TBC1D8: variants seen among roughly 807,000 people sequenced by gnomAD.
The protein encoded by TBC1D8 is BUB2-like protein 1.
TBC1D8 carries 65 observed loss-of-function variants against 118.8 expected under a neutral mutation model. The observed-to-expected ratio is 0.55, with a 90% confidence interval of 0.45 to 0.67. The LOEUF (loss-of-function observed/expected upper bound fraction) is 0.67. Ranked by LOEUF, TBC1D8 falls within the 30% of genes least tolerant of loss-of-function variation. The probability of loss-of-function intolerance (pLI) is 0.00; values close to 1 mark genes in which losing one functional copy is unlikely to be tolerated. For missense variants in TBC1D8, 1,376 were observed against 1,471.2 expected (o/e 0.94, Z 1.06); for synonymous variants, 566 against 595.8 (o/e 0.95, Z 0.73).
At chr2:101,028,518 G>A (rs372425969) in intron 12 of TBC1D8, 86 bp from the exon 13 acceptor site, 1 of 1,479,096 alleles carries the variant, frequency 6.8e-7, no homozygotes, top group African/African-American at 1.4e-5. Context: ...AGACATGCCA[G>A]GGCACTTCCA....
At chr2:101,020,600 A>G (rs558924255) in intron 17 of TBC1D8, among the ~76,000 whole-genome samples, 22 of 152,260 alleles carry the variant, frequency 1.4e-4, no homozygotes, top group Non-Finnish European at 2.9e-4. Flanking sequence ...TGGCCAGCAC[A>G]GAATGCTCAC....
chr2:101,138,469 C>A (rs926827518), intron 1 of TBC1D8, among the ~76,000 whole-genome samples: 1 of 152,068 alleles, frequency 6.6e-6, no homozygotes, highest in Non-Finnish European at 1.5e-5. Context: ...AAGGCTCGGT[C>A]CCACGAGACT....
chr2:101,090,509 A>C (rs892689385), intron 1 of TBC1D8, 145 bp from the exon 2 acceptor site: 7 of 870,894 alleles, frequency 8.0e-6, no homozygotes, highest in Non-Finnish European at 1.2e-5. Context: ...CACCTCACAA[A>C]GCCTGAGCTC....
intron 2 of TBC1D8, among the ~76,000 whole-genome samples, chr2:101,075,269 G>A (rs987775886): frequency 8.6e-5 from 13 of 151,812 alleles, no homozygotes; most frequent in African/African-American, 2.2e-4. Flanking sequence ...GTGGTGGCAC[G>A]CACCTGTAGT....
chr2:101,023,101 C>T (rs899945874), intron 15 of TBC1D8, among the ~76,000 whole-genome samples: 1 of 146,170 alleles, frequency 6.8e-6, no homozygotes, highest in African/African-American at 2.5e-5. Flanking sequence ...GCCGAGATCG[C>T]GCCACTGCAC....
chr2:101,073,244 T>G (rs1477309294), intron 2 of TBC1D8, among the ~76,000 whole-genome samples: 1 of 151,808 alleles, frequency 6.6e-6, no homozygotes, highest in Admixed American at 6.6e-5. Flanking sequence ...GAAGGCTCTT[T>G]CATCTACATT....
chr2:101,087,670 T>C lies in TBC1D8; in HGVS notation c.283+2539A>G, dbSNP rs1675731044. Reference sequence around the variant, plus strand: ...AAAAAAAAAAAAAAAAAATTCCAGATTGGGAAATCTATACCTGAGTAAAAG... The same window carrying C: ...AAAAAAAAAAAAAAAAAATTCCAGACTGGGAAATCTATACCTGAGTAAAAG... On this transcript the variant is annotated intron_variant, in intron 2 of 19. Coordinates refer to ENST00000409318, the MANE Select transcript of TBC1D8 (RefSeq NM_001330348.2). Among the ~76,000 whole-genome samples, 4 of 147,772 alleles carry C rather than the reference T, an allele frequency of 2.7e-5. No individual in the cohort carries two copies. In the South Asian group the frequency reaches 8.5e-4, roughly 31 times the overall value.
Position 101,010,881 on chromosome 2 carries a change from CAAA to C in TBC1D8, c.3015+45_3015+47del, listed in dbSNP as rs35511736. 1.2e-3 allele frequency: 1,532 copies of C among 1,298,860 alleles called. 2 individuals are homozygous for C. Among genetic ancestry groups the C allele is most frequent in the East Asian group, 2.0e-3 (79 of 39,622 alleles). The allele number at this position is 1,298,860 out of a possible 1,614,324, so 80.5% of individuals were successfully genotyped here. A position where few individuals can be genotyped will look rare whatever the true frequency, so the allele number is the denominator to read the frequency against. ...TGGGCGACAGAGCGAGACTCCATCT[CAAA>C]AAAAAAAAAAAAAGTTAATTCTCTG... On this transcript the variant is annotated intron_variant, in intron 19 of 19. Transcript: ENST00000409318.
chr2:101,033,266 G>A (rs555730324), intron 10 of TBC1D8: 68 of 439,370 alleles, frequency 1.5e-4, no homozygotes, highest in East Asian at 1.2e-3. Flanking sequence ...ACAGGCACGC[G>A]CCACCATGCC....
chr2:101,049,109 C>T (rs1217650433), intron 5 of TBC1D8, among the ~76,000 whole-genome samples: 3 of 152,102 alleles, frequency 2.0e-5, no homozygotes, highest in East Asian at 1.9e-4. Flanking sequence ...AATTCTTTAG[C>T]GTATATACCC....
At chr2:101,088,725 C>T (rs377145969) in intron 2 of TBC1D8, among the ~76,000 whole-genome samples, 2 of 152,104 alleles carry the variant, frequency 1.3e-5, no homozygotes, top group East Asian at 3.9e-4. Context: ...TACACACCAC[C>T]ACGCCCAGCT....
In TBC1D8 at chr2:101,028,355, T is replaced by A. The variant is rs753703167; in HGVS notation, c.2300A>T (p.Gln767Leu). ...AATATCAGTCACAGGGTAGGGCTCC[T>A]GGTCGTCGGAGAAAAAGGCATGGTG... ...GSHHAFFSDD[Q>L]EPYPVTDISD... is the part of the protein sequence containing the mutation. The change falls in exon 13 of 20, where the codon CAG (glutamine) becomes CTG (leucine). Residue 767 changes from glutamine to leucine, a missense_variant. Gln to Leu is a moderately radical substitution (Grantham distance 113). Transcript: ENST00000409318. The A allele has an allele frequency of 6.2e-7, 1 of 1,612,672 alleles. No homozygotes were observed. The highest frequency in any genetic ancestry group is 1.7e-5 in the Admixed American group (1 of 59,838).
In TBC1D8 at chr2:101,054,812, A is replaced by G. The variant is rs569541728; in HGVS notation, c.403-476T>C. On this transcript the variant is annotated intron_variant, in intron 3 of 19. Transcript: ENST00000409318. ...ATTCTCCTGCCTCAGCCTCCCAAAT[A>G]GCTGGGATCACAGGCACGCACCACC... Among the ~76,000 whole-genome samples, 5 of 150,108 alleles carry G rather than the reference A, an allele frequency of 3.3e-5. 1 individual carries two copies. The Middle Eastern group carries it at 0.014, about 414-fold the overall frequency.
intron 6 of TBC1D8, among the ~76,000 whole-genome samples, chr2:101,039,618 T>A (rs1681253922): frequency 6.6e-6 from 1 of 152,190 alleles, no homozygotes; most frequent in African/African-American, 2.4e-5. Context: ...TGCTCAGATC[T>A]GGAAGTAATC....
intron 1 of TBC1D8, among the ~76,000 whole-genome samples, chr2:101,125,580 A>G (rs545746968): frequency 6.6e-6 from 1 of 152,336 alleles, no homozygotes; most frequent in East Asian, 1.9e-4. Context: ...ATCCTCTGAA[A>G]AACTAAGCCA....
intron 5 of TBC1D8, among the ~76,000 whole-genome samples, chr2:101,048,668 G>GAAGA (rs1681857580): frequency 1.0e-4 from 1 of 9,660 alleles, no homozygotes; most frequent in African/African-American, 4.4e-4. Context: ...GGCCATGAAT[G>GAAGA]GACACTCTCT....
rs970924114 is a variant in TBC1D8 at position 101,080,845 on chromosome 2, C to T, written c.283+9364G>A. Among the ~76,000 whole-genome samples the T allele has an allele frequency of 4.6e-5, 7 of 151,642 alleles. 1 individual carries two copies. In the East Asian group the frequency reaches 9.7e-4, roughly 21 times the overall value. ...TTGCCCAGGCTGGAGTACAGTAGCA[C>T]GATCCCAGTTCACTGCAGTCTCAAC... On this transcript the variant is annotated intron_variant, in intron 2 of 19. Coordinates refer to ENST00000409318, the MANE Select transcript of TBC1D8 (RefSeq NM_001330348.2).
chr2:101,063,384 A>G (rs570498340), intron 2 of TBC1D8, among the ~76,000 whole-genome samples: 59 of 152,340 alleles, frequency 3.9e-4, no homozygotes, highest in South Asian at 6.2e-4. Context: ...AAAATAAACC[A>G]CACATAAAAA....
chr2:101,092,512 T>A (rs1676108097), intron 1 of TBC1D8, among the ~76,000 whole-genome samples: 1 of 152,190 alleles, frequency 6.6e-6, no homozygotes, highest in Non-Finnish European at 1.5e-5. Context: ...CCTCACCAAA[T>A]ATTTCATTAT....
Sources: gnomAD v4.1 joint callset for allele counts (sites outside exome capture counted in the v4.1 genomes callset) on GRCh38, gnomAD v4.1.1 for gene constraint, MANE v1.5 for transcripts, NCBI Gene and HGNC (gene_info 2026-07-23, HGNC 2026-07-21) for gene names.